Variants in SH3GLB2 observed in about 807,000 individuals in gnomAD.
The protein encoded by SH3GLB2 is endophilin-B2.
SH3GLB2 carries 24 observed loss-of-function variants against 48.0 expected under a neutral mutation model. The ratio of observed to expected loss-of-function variants is 0.50; its 90% CI spans 0.36 to 0.70. The LOEUF (loss-of-function observed/expected upper bound fraction) is 0.70, where lower values mean the gene tolerates loss of function less well. Among genes scored for constraint, SH3GLB2 ranks in the 30% least tolerant of loss-of-function variants. SH3GLB2 has a pLI of 0.00. For synonymous variants in SH3GLB2, 227 were observed against 207.6 expected (o/e 1.09, Z -0.80); for missense variants, 425 against 516.0 (o/e 0.82, Z 1.71).
rs1843298139 is a variant in SH3GLB2 at position 129,014,319 on chromosome 9, G to A, written c.561+92C>T. 3 of 1,190,552 alleles carry A rather than the reference G, an allele frequency of 2.5e-6. No homozygotes were observed. Among genetic ancestry groups the A allele is most frequent in the East Asian group, 2.6e-5 (1 of 39,066 alleles). The allele number at this position is 1,190,552 out of a possible 1,614,324, so 73.7% of individuals were successfully genotyped here. A position where few individuals can be genotyped will look rare whatever the true frequency, so the allele number is the denominator to read the frequency against. ...CTCCAGCCAGGGAGAGGGGAGAGAG[G>A]TCATGCCAAATACCAGGTCCCTTCA... On this transcript the variant is annotated intron_variant, in intron 5 of 10. Coordinates refer to ENST00000372564, the MANE Select transcript of SH3GLB2 (RefSeq NM_020145.4). This position sits in a 1 kb window ranked among gnomAD's most constrained non-coding sequence, Gnocchi z 4.1.
rs150536670 is a variant in SH3GLB2 at position 129,024,012 on chromosome 9, G to A, written c.64-1589C>T. Among the ~76,000 whole-genome samples, 484 of 152,258 alleles carry A rather than the reference G, an allele frequency of 3.2e-3. 2 individuals carry two copies. The highest frequency in any genetic ancestry group is 0.011 in the African/African-American group (458 of 41,550). On this transcript the variant is annotated intron_variant, in intron 1 of 10. Coordinates refer to ENST00000372564, the MANE Select transcript of SH3GLB2 (RefSeq NM_020145.4). The stretch of plus-strand genomic sequence containing the variant: ...TCGAAGAGGCAAAGTCTCCCTTCTG[G>A]ACCTGAGAGCCCCTGCCTGGAGAAT...
chr9:129,019,750 G>A (rs1843666543), intron 3 of SH3GLB2, among the ~76,000 whole-genome samples: 1 of 145,926 alleles, frequency 6.9e-6, no homozygotes, highest in South Asian at 2.2e-4. Flanking sequence ...GGAGATGTTT[G>A]TACAACTCTG....
At position 129,021,120 on chromosome 9, in the gene SH3GLB2, G is replaced by A; in HGVS notation, c.305C>T (p.Ala102Val). The part of the protein sequence containing the change: ...ELLAQYMADA[A>V]SELGPTTPYG... Reference sequence around the variant, plus strand: ...GGGGGTGGTCGGCCCCAGCTCACTGGCCGCGTCTGCCATGTACTGAGCCAG... The same window carrying A: ...GGGGGTGGTCGGCCCCAGCTCACTGACCGCGTCTGCCATGTACTGAGCCAG... Residue 102 changes from alanine (A) to valine (V), a missense_variant, in exon 3 of 11, where the codon GCC becomes GTC. Coordinates refer to ENST00000372564, the MANE Select transcript of SH3GLB2 (RefSeq NM_020145.4). The A allele has an allele frequency of 6.2e-7, 1 of 1,610,890 alleles. No individual in the cohort carries two copies. The highest frequency in any genetic ancestry group is 8.5e-7 in the Non-Finnish European group (1 of 1,178,858).
intron 1 of SH3GLB2, among the ~76,000 whole-genome samples, chr9:129,027,780 G>C (rs915744453): frequency 1.3e-5 from 2 of 152,246 alleles, no homozygotes; most frequent in Non-Finnish European, 2.9e-5. Flanking sequence ...CAAGGGCAGG[G>C]AGGTAGCACC....
chr9:129,026,037 C>T (rs567476115), intron 1 of SH3GLB2, among the ~76,000 whole-genome samples: 1 of 152,286 alleles, frequency 6.6e-6, no homozygotes, highest in Non-Finnish European at 1.5e-5. Context: ...GGTTTTCTTG[C>T]CTCGGTGCCC....
In SH3GLB2 at chr9:129,017,324, C is replaced by T. The variant is rs1843490658; in HGVS notation, c.335-2420G>A. Among the ~76,000 whole-genome samples the T allele has an allele frequency of 2.6e-5, 4 of 152,080 alleles. No homozygotes were observed. The South Asian group carries it at 8.3e-4, about 32-fold the overall frequency. On this transcript the variant is annotated intron_variant, in intron 3 of 10. Coordinates refer to ENST00000372564, the MANE Select transcript of SH3GLB2 (RefSeq NM_020145.4). The stretch of plus-strand genomic sequence containing the variant: ...ACATACAAGCCTTGAACACTATTAA[C>T]CGATGTGGCCTCGCTGACACCTATA...
At chr9:129,025,896 C>T (rs866943895) in intron 1 of SH3GLB2, among the ~76,000 whole-genome samples, 2 of 152,100 alleles carry the variant, frequency 1.3e-5, no homozygotes, top group Admixed American at 1.3e-4. Flanking sequence ...ATGCCACCAC[C>T]TCTCTGGACT....
intron 5 of SH3GLB2, chr9:129,012,982 A>G: frequency 1.3e-6 from 2 of 1,551,034 alleles, no homozygotes; most frequent in Non-Finnish European, 1.7e-6. Flanking sequence ...CGGAAGCAGC[A>G]CAGCGCGTGG....
intron 1 of SH3GLB2, among the ~76,000 whole-genome samples, chr9:129,023,760 C>T (rs772808592): frequency 7.2e-5 from 11 of 152,170 alleles, no homozygotes; most frequent in Non-Finnish European, 1.6e-4. Flanking sequence ...CCCTGCAGGG[C>T]TGGGAGGGCC....
chr9:129,008,935 C>G lies in SH3GLB2; in HGVS notation c.1081-144G>C, dbSNP rs1842920303. On this transcript the variant is annotated intron_variant, in intron 10 of 10. Transcript: ENST00000372564. The stretch of plus-strand genomic sequence containing the variant: ...TGGCTGGCGCTCATCTCACTTGCTC[C>G]AGAGACCCAGCAGAGCAAGGATCCT... 4 of 1,319,404 alleles carry G rather than the reference C, an allele frequency of 3.0e-6. No homozygotes were observed. The Admixed American group carries it at 8.2e-5, about 27-fold the overall frequency. The allele number at this position is 1,319,404 out of a possible 1,614,324, so 81.7% of individuals were successfully genotyped here. A position where few individuals can be genotyped will look rare whatever the true frequency, so the allele number is the denominator to read the frequency against.
intron 5 of SH3GLB2, chr9:129,013,148 G>A: frequency 3.0e-6 from 3 of 997,646 alleles, no homozygotes; most frequent in South Asian, 1.4e-5. Context: ...GCGGAGGGAG[G>A]CACCACAGCC....
chr9:129,017,770 T>C (rs867600673), intron 3 of SH3GLB2, among the ~76,000 whole-genome samples: 2 of 150,070 alleles, frequency 1.3e-5, no homozygotes, highest in African/African-American at 2.4e-5. Context: ...TGGTGGCAGG[T>C]GCCTGTAGTC....
chr9:129,022,457 G>C, intron 1 of SH3GLB2, 34 bp from the exon 2 acceptor site: 1 of 1,599,488 alleles, frequency 6.3e-7, no homozygotes, highest in Non-Finnish European at 8.5e-7. Flanking sequence ...GGTGGGGAGG[G>C]GGAGAGCTCA....
Position 129,025,093 on chromosome 9 carries a change from T to C in SH3GLB2, c.64-2670A>G, listed in dbSNP as rs1468547390. Among the ~76,000 whole-genome samples, 3 of 145,452 alleles carry C rather than the reference T, an allele frequency of 2.1e-5. No homozygotes were observed. In the East Asian group the frequency reaches 6.1e-4, roughly 29 times the overall value. On this transcript the variant is annotated intron_variant, in intron 1 of 10. Coordinates refer to ENST00000372564, the MANE Select transcript of SH3GLB2 (RefSeq NM_020145.4). The stretch of plus-strand genomic sequence containing the variant: ...GAGTTCGAGACCAGCCTGGCTAACA[T>C]AGTAAAACCCCATCTCTACTAAAAA...
rs1317367905 is a variant in SH3GLB2, at chr9:129,028,092, C to T, written c.63G>A (p.Gln21=). 6.7e-7 allele frequency: 1 copy of T among 1,503,054 alleles called. No individual in the cohort carries two copies. Among genetic ancestry groups the T allele is most frequent in the Non-Finnish European group, 8.9e-7 (1 of 1,129,244 alleles). The allele number at this position is 1,503,054 out of a possible 1,614,324, so 93.1% of individuals were successfully genotyped here. A position where few individuals can be genotyped will look rare whatever the true frequency, so the allele number is the denominator to read the frequency against. ...CGCACGGCGCGACGCCAGGCCTCAC[C>T]TGCACCGCCCGGGTGAAGAAGATGC... ...DAGIFFTRAV[Q]FTEEKFGQAE... Residue 21 remains glutamine (Q), a splice_region_variant and synonymous_variant, in exon 1 of 11, where the codon CAG becomes CAA. Coordinates refer to ENST00000372564, the MANE Select transcript of SH3GLB2 (RefSeq NM_020145.4).
Position 129,018,438 on chromosome 9 carries a change from A to G in SH3GLB2, c.334+2653T>C, listed in dbSNP as rs17481393. Among the ~76,000 whole-genome samples, 114 of 149,602 alleles carry G rather than the reference A, an allele frequency of 7.6e-4. 1 individual carries two copies. In the South Asian group the frequency reaches 0.021, roughly 28 times the overall value. On this transcript the variant is annotated intron_variant, in intron 3 of 10. Transcript: ENST00000372564. ...TAAAAACACAAAAAATTAGCTGGGC[A>G]TGGTGGCGGGTGCCTGTAATCCCAG...
chr9:129,009,702 T>A, intron 9 of SH3GLB2, 69 bp downstream of exon 9: 1 of 1,473,220 alleles, frequency 6.8e-7, no homozygotes, highest in Non-Finnish European at 9.3e-7. Flanking sequence ...CCAGAGGAGC[T>A]CATGCTGCCC....
At chr9:129,027,745 C>T (rs930122768) in intron 1 of SH3GLB2, among the ~76,000 whole-genome samples, 1 of 152,232 alleles carries the variant, frequency 6.6e-6, no homozygotes, top group African/African-American at 2.4e-5. Context: ...GCTAAATGCC[C>T]CGCCAGGCGC....
chr9:129,009,381 T>A, intron 9 of SH3GLB2, 35 bp from the exon 10 acceptor site: 1 of 1,550,110 alleles, frequency 6.5e-7, no homozygotes, highest in Non-Finnish European at 8.7e-7. Context: ...CAGGTGGGAG[T>A]CCCAGAAGGG....
Sources: allele counts gnomAD v4.1 joint callset (sites outside exome capture counted in the v4.1 genomes callset), GRCh38; gene constraint gnomAD v4.1.1; non-coding constraint Gnocchi (gnomAD v3.1); transcripts MANE v1.5; gene names NCBI Gene and HGNC (gene_info 2026-07-23, HGNC 2026-07-21).